PRCP: variants seen among roughly 807,000 people sequenced by gnomAD.
PRCP encodes lysosomal Pro-X carboxypeptidase.
Under a neutral mutation model 54.2 loss-of-function variants are expected in PRCP, and 46 were observed. That is an observed-to-expected ratio of 0.85 (90% CI 0.67 to 1.09). The LOEUF (loss-of-function observed/expected upper bound fraction) is 1.09, where lower values mean the gene tolerates loss of function less well. PRCP is among the 50% of genes least tolerant of loss of function. PRCP has a pLI of 0.00. For synonymous variants in PRCP, 240 were observed against 212.2 expected, an observed-to-expected ratio of 1.13 and a Z score of -1.14; for missense variants, 613 against 596.8, an observed-to-expected ratio of 1.03 and a Z score of -0.28.
chr11:82,831,258 T>G (rs1349116520), intron 8 of PRCP: 1 of 151,910 alleles, frequency 6.6e-6, no homozygotes, highest in Non-Finnish European at 1.5e-5. Flanking sequence ...GCCTACAAGT[T>G]GGGAAAGACA....
chr11:82,849,658 G>A (rs1224739911), intron 5 of PRCP, among the ~76,000 whole-genome samples: 1 of 152,184 alleles, frequency 6.6e-6, no homozygotes, highest in East Asian at 1.9e-4. Flanking sequence ...TAGGTATAGA[G>A]GTAGTGACTG....
chr11:82,895,849 A>G (rs1860108094), intron 1 of PRCP, among the ~76,000 whole-genome samples: 1 of 152,202 alleles, frequency 6.6e-6, no homozygotes, highest in African/African-American at 2.4e-5. Flanking sequence ...CTAGAACAGC[A>G]ATTGAAAGTG....
chr11:82,880,571 T>C (rs1859723810), intron 1 of PRCP, among the ~76,000 whole-genome samples: 4 of 152,136 alleles, frequency 2.6e-5, no homozygotes, highest in Admixed American at 2.0e-4. Flanking sequence ...AGTACCTCAG[T>C]TGGAAATGCA....
intron 8 of PRCP, chr11:82,835,980 C>T (rs1335328979): frequency 3.6e-6 from 1 of 279,786 alleles, no homozygotes; most frequent in Non-Finnish European, 7.0e-6. Context: ...ATCACAAGGT[C>T]AGGAAATCAA....
rs1565213309 is a variant in PRCP, at chr11:82,823,226, A to AAGGG, written c.*1676_*1679dup. ...GCAAAGTATTTTAAAGATTCTACAC[A>AAGGG]AGGGAAAAACCCTAAAATCGTAAAA... On this transcript the variant is annotated 3_prime_UTR_variant, in exon 9 of 9. Transcript: ENST00000313010. Among the ~76,000 whole-genome samples, 1 of 152,202 alleles carries AAGGG rather than the reference A, an allele frequency of 6.6e-6. No homozygotes were observed. The highest frequency in any genetic ancestry group is 2.4e-5 in the African/African-American group (1 of 41,440).
rs1858153914 is a variant in PRCP, at chr11:82,823,886, T to C, written c.*1020A>G. On this transcript the variant is annotated 3_prime_UTR_variant, in exon 9 of 9. Transcript: ENST00000313010. ...CTGCCTGCATGAATTAGTCAGCTTGTCTTTTGGAAGTCATACAGAAAAGTT... is the reference window on the plus strand; with the variant it reads ...CTGCCTGCATGAATTAGTCAGCTTGCCTTTTGGAAGTCATACAGAAAAGTT... 1 of 152,224 alleles carries C rather than the reference T, an allele frequency of 6.6e-6. No individual in the cohort carries two copies. The highest frequency in any genetic ancestry group is 2.4e-5 in the African/African-American group (1 of 41,464). The allele number at this position is 152,224 out of a possible 1,614,324, so 9.4% of individuals were successfully genotyped here.
chr11:82,856,417 A>G (rs1247309150), intron 2 of PRCP, among the ~76,000 whole-genome samples: 1 of 152,216 alleles, frequency 6.6e-6, no homozygotes, highest in African/African-American at 2.4e-5. Flanking sequence ...TAATAGAGCA[A>G]CAGGAAACCA....
At chr11:82,883,114 G>A (rs1859790293) in intron 1 of PRCP, among the ~76,000 whole-genome samples, 1 of 152,172 alleles carries the variant, frequency 6.6e-6, no homozygotes, top group African/African-American at 2.4e-5. Flanking sequence ...ACACTGATGG[G>A]TGGAGTCCTA....
intron 1 of PRCP, among the ~76,000 whole-genome samples, chr11:82,868,283 A>C (rs967765168): frequency 6.6e-6 from 1 of 152,232 alleles, no homozygotes; most frequent in African/African-American, 2.4e-5. Flanking sequence ...CTATTTCACT[A>C]TACAGGCATA....
At chr11:82,900,184 A>T in intron 1 of PRCP, 51 bp downstream of exon 1, 1 of 1,598,420 alleles carries the variant, frequency 6.3e-7, no homozygotes, top group Non-Finnish European at 8.6e-7. Context: ...TCTGAGGGTC[A>T]GGGTTCCCGG....
intron 1 of PRCP, among the ~76,000 whole-genome samples, chr11:82,871,881 C>A (rs1859491152): frequency 6.6e-6 from 1 of 152,208 alleles, no homozygotes; most frequent in Non-Finnish European, 1.5e-5. Flanking sequence ...GTAACGTGGT[C>A]TAATAAAGTG....
chr11:82,886,864 T>C lies in PRCP; in HGVS notation c.168+13371A>G, dbSNP rs192847785. Among the ~76,000 whole-genome samples the C allele has an allele frequency of 2.0e-5, 3 of 152,360 alleles. No homozygotes were observed. The East Asian group carries it at 5.8e-4, about 29-fold the overall frequency. Reference sequence around the variant, plus strand: ...AACAACCATACTCTGATCAACTGTGTTCTGTCCCACACCATCTCAACACCA... The same window carrying C: ...AACAACCATACTCTGATCAACTGTGCTCTGTCCCACACCATCTCAACACCA... On this transcript the variant is annotated intron_variant, in intron 1 of 8. Coordinates refer to ENST00000313010, the MANE Select transcript of PRCP (RefSeq NM_005040.4).
upstream of PRCP, chr11:82,901,635 T>C (rs1053943027): frequency 1.2e-4 from 19 of 152,368 alleles, no homozygotes; most frequent in Non-Finnish European, 2.8e-4. Flanking sequence ...GCTTGTAGGA[T>C]TTCCTCGCTA....
At chr11:82,887,953 C>T (rs1290461275) in intron 1 of PRCP, among the ~76,000 whole-genome samples, 1 of 152,118 alleles carries the variant, frequency 6.6e-6, no homozygotes, top group African/African-American at 2.4e-5. Flanking sequence ...CTTTTTGTTC[C>T]ATCACTTTTC....
At chr11:82,834,635 A>T (rs1331745589) in intron 8 of PRCP, among the ~76,000 whole-genome samples, 1 of 152,240 alleles carries the variant, frequency 6.6e-6, no homozygotes, top group East Asian at 1.9e-4. Flanking sequence ...TATCCTCAGC[A>T]AACTAATGCA....
chr11:82,829,619 T>C (rs1858328183), intron 8 of PRCP: 1 of 152,232 alleles, frequency 6.6e-6, no homozygotes, highest in Non-Finnish European at 1.5e-5. Context: ...CCTTCTAACA[T>C]ATTTATAAGT....
intron 3 of PRCP, 91 bp from the exon 4 acceptor site, chr11:82,850,596 T>C (rs1476909438): frequency 3.6e-5 from 37 of 1,042,206 alleles, no homozygotes; most frequent in Non-Finnish European, 4.5e-5. Flanking sequence ...CAGTGTCAGA[T>C]AAGCTTTTCT....
intron 1 of PRCP, among the ~76,000 whole-genome samples, chr11:82,878,152 T>C (rs1305741864): frequency 1.3e-5 from 2 of 152,238 alleles, no homozygotes; most frequent in Admixed American, 1.3e-4. Flanking sequence ...CCATTTGGAA[T>C]GGCTGTATTT....
chr11:82,891,315 G>A (rs531369367), intron 1 of PRCP, among the ~76,000 whole-genome samples: 1 of 152,196 alleles, frequency 6.6e-6, no homozygotes, highest in African/African-American at 2.4e-5. Flanking sequence ...GCACTTCTCA[G>A]CCTCCACCAC....
Sources: allele counts gnomAD v4.1 joint callset (sites outside exome capture counted in the v4.1 genomes callset), GRCh38; gene constraint gnomAD v4.1.1; transcripts MANE v1.5; gene names NCBI Gene and HGNC (gene_info 2026-07-23, HGNC 2026-07-21).